Variants in SULT1C3 observed in about 807,000 individuals in gnomAD.
SULT1C3 encodes sulfotransferase 1C3.
Under a neutral mutation model 28.4 loss-of-function variants are expected in SULT1C3, and 31 were observed. The observed-to-expected ratio is 1.09, with a 90% CI of 0.82 to 1.47. SULT1C3 has a LOEUF of 1.47. SULT1C3 is among the 40% of genes most tolerant of loss of function. The probability of loss-of-function intolerance (pLI) is 0.00; values close to 1 mark genes in which losing one functional copy is unlikely to be tolerated. For missense variants in SULT1C3, 307 were observed against 272.5 expected (o/e 1.13, Z -0.89); for synonymous variants, 106 against 92.2 (o/e 1.15, Z -0.86).
chr2:108,252,195 A>G (rs1217616645), intron 2 of SULT1C3, among the ~76,000 whole-genome samples, 170 bp from the exon 3 acceptor site: 1 of 152,044 alleles, frequency 6.6e-6, no homozygotes, highest in Non-Finnish European at 1.5e-5. Context: ...AGATGGATAG[A>G]TAGATGGATA....
downstream of SULT1C3, chr2:108,265,213 A>C: frequency 2.5e-6 from 4 of 1,598,512 alleles, no homozygotes; most frequent in Non-Finnish European, 3.4e-6. Flanking sequence ...TCCTGCAGCA[A>C]TCATTAAGAT....
chr2:108,260,216 A>C (rs1675986949), intron 7 of SULT1C3, among the ~76,000 whole-genome samples: 1 of 152,128 alleles, frequency 6.6e-6, no homozygotes, highest in Admixed American at 6.6e-5. Context: ...CCCTGGGAGA[A>C]TAAGATAGGC....
At chr2:108,244,661 G>T (rs561996118) in intron 1 of SULT1C3, among the ~76,000 whole-genome samples, 1 of 152,142 alleles carries the variant, frequency 6.6e-6, no homozygotes, top group South Asian at 2.1e-4. Context: ...ATTTTGGAAA[G>T]CTTCTATATA....
intron 2 of SULT1C3, among the ~76,000 whole-genome samples, chr2:108,248,277 G>A (rs547842882): frequency 1.3e-5 from 2 of 152,068 alleles, no homozygotes; most frequent in South Asian, 4.2e-4. Context: ...AAAACCTCCT[G>A]GTCAGCCATG....
chr2:108,251,096 C>G (rs1675715959), intron 2 of SULT1C3, among the ~76,000 whole-genome samples: 1 of 151,772 alleles, frequency 6.6e-6, no homozygotes, highest in African/African-American at 2.4e-5. Context: ...AAAAGAAAAA[C>G]TTATGTATTA....
chr2:108,241,639 T>C (rs1558660058), intron 1 of SULT1C3, among the ~76,000 whole-genome samples: 1 of 152,166 alleles, frequency 6.6e-6, no homozygotes. Context: ...GTTAAAAACA[T>C]GACTGGGACA....
At chr2:108,254,699 G>GTATA (rs749104996) in intron 4 of SULT1C3, among the ~76,000 whole-genome samples, 30 of 147,482 alleles carry the variant, frequency 2.0e-4, no homozygotes, top group African/African-American at 7.6e-4. Flanking sequence ...GTGTGTGTGT[G>GTATA]TGTATATATA....
At chr2:108,241,560 G>C (rs1479568804) in intron 1 of SULT1C3, among the ~76,000 whole-genome samples, 1 of 152,172 alleles carries the variant, frequency 6.6e-6, no homozygotes, top group African/African-American at 2.4e-5. Context: ...CTCTTGTCTT[G>C]CTTGATATTT....
chr2:108,248,738 G>C (rs1675654033), intron 2 of SULT1C3, among the ~76,000 whole-genome samples: 1 of 152,210 alleles, frequency 6.6e-6, no homozygotes, highest in East Asian at 1.9e-4. Flanking sequence ...GGATAGGATG[G>C]ACAGAATTTT....
chr2:108,249,911 T>G (rs965822334), intron 2 of SULT1C3, among the ~76,000 whole-genome samples: 9 of 151,978 alleles, frequency 5.9e-5, no homozygotes, highest in Non-Finnish European at 8.8e-5. Context: ...TGGTGCCAGA[T>G]GCAAAAAAGT....
In SULT1C3 at chr2:108,243,732, C is replaced by A. The variant is rs1675521963; in HGVS notation, c.-7-3456C>A. Reference sequence around the variant, plus strand: ...CCCTTAGGAGTCATGCAGCAAGAGACTATGAGATTTTGACCCTCCCTAAAC... The same window carrying A: ...CCCTTAGGAGTCATGCAGCAAGAGAATATGAGATTTTGACCCTCCCTAAAC... On this transcript the variant is annotated intron_variant, in intron 1 of 7. Transcript: ENST00000681802. Among the ~76,000 whole-genome samples the A allele has an allele frequency of 2.0e-5, 3 of 152,084 alleles. No homozygotes were observed. The South Asian group carries it at 6.2e-4, about 31-fold the overall frequency.
chr2:108,261,332 CTT>C (rs1386522018), downstream of SULT1C3, among the ~76,000 whole-genome samples: 3 of 152,100 alleles, frequency 2.0e-5, no homozygotes, highest in Non-Finnish European at 2.9e-5. Context: ...AAATAAAATG[CTT>C]AATGTATCTA....
downstream of SULT1C3, chr2:108,264,938 A>G (rs1320179253): frequency 6.2e-7 from 1 of 1,613,996 alleles, no homozygotes; most frequent in Admixed American, 1.7e-5. Flanking sequence ...AGCAAAACCC[A>G]ATGACCAACT....
chr2:108,246,841 G>T (rs146140096), intron 1 of SULT1C3, among the ~76,000 whole-genome samples: 1 of 152,026 alleles, frequency 6.6e-6, no homozygotes, highest in Admixed American at 6.6e-5. Context: ...TTATATTCCC[G>T]ATTAACAAGT....
chr2:108,257,026 CT>C (rs1675882652), intron 5 of SULT1C3, among the ~76,000 whole-genome samples: 1 of 152,040 alleles, frequency 6.6e-6, no homozygotes, highest in African/African-American at 2.4e-5. Flanking sequence ...CATTTTGTTA[CT>C]GTTTTTTTGT....
At chr2:108,243,323 C>T (rs1474928069) in intron 1 of SULT1C3, among the ~76,000 whole-genome samples, 1 of 152,106 alleles carries the variant, frequency 6.6e-6, no homozygotes, top group African/African-American at 2.4e-5. Flanking sequence ...AAGATGGTAA[C>T]AGCTCCTTCT....
Position 108,252,463 on chromosome 2 carries a change from G to T in SULT1C3, c.271G>T (p.Glu91Ter). Reference protein sequence around the residue: ...AQTLDRHAFLELKFPHKEKPD... With the variant: ...AQTLDRHAFL Reference sequence around the variant, plus strand: ...GACTCTAGATAGACACGCTTTCCTTGAACTGAAATTTCCCCATAAAGAAAA... The same window carrying T: ...GACTCTAGATAGACACGCTTTCCTTTAACTGAAATTTCCCCATAAAGAAAA... The change falls in exon 3 of 8, where the codon GAA (glutamate) becomes TAA (stop). Residue 91 changes from glutamate to a stop codon, truncating the protein, a stop_gained. Transcript: ENST00000681802. LOFTEE classifies it high-confidence loss of function. 3.7e-6 allele frequency: 6 copies of T among 1,612,318 alleles called. No homozygotes were observed. The highest frequency in any genetic ancestry group is 5.1e-6 in the Non-Finnish European group (6 of 1,179,020).
chr2:108,258,614 A>G, intron 5 of SULT1C3, 120 bp from the exon 6 acceptor site: 1 of 696,104 alleles, frequency 1.4e-6, no homozygotes, highest in Admixed American at 2.7e-5. Flanking sequence ...AATTATTTCC[A>G]CTTCGTTAAG....
intron 3 of SULT1C3, among the ~76,000 whole-genome samples, chr2:108,252,911 T>C (rs887626591): frequency 6.6e-6 from 1 of 151,844 alleles, no homozygotes; most frequent in Non-Finnish European, 1.5e-5. Context: ...TTGGGGGAGC[T>C]GAAAAGGTTT....
Sources: allele counts gnomAD v4.1 joint callset (sites outside exome capture counted in the v4.1 genomes callset), GRCh38; gene constraint gnomAD v4.1.1; transcripts MANE v1.5; gene names NCBI Gene and HGNC (gene_info 2026-07-23, HGNC 2026-07-21).